The following PRSS16 variants were observed in gnomAD, a reference collection of about 807,000 sequenced individuals.
The protein encoded by PRSS16 is thymus-specific serine protease.
PRSS16 carries 43 observed loss-of-function variants against 61.7 expected under a neutral mutation model. That is an observed-to-expected ratio of 0.70 (90% confidence interval 0.55 to 0.90). The LOEUF (loss-of-function observed/expected upper bound fraction) is 0.90, where lower values mean the gene tolerates loss of function less well. Among genes scored for constraint, PRSS16 ranks in the 40% least tolerant of loss-of-function variants. The pLI, the probability that PRSS16 is intolerant of heterozygous loss-of-function variation, is 0.00. For synonymous variants in PRSS16, 273 were observed against 285.2 expected (o/e 0.96, Z 0.43); for missense variants, 591 against 659.1 (o/e 0.90, Z 1.13).
intron 4 of PRSS16, 94 bp downstream of exon 4, chr6:27,249,323 A>G: frequency 1.4e-6 from 2 of 1,444,470 alleles, no homozygotes; most frequent in Non-Finnish European, 1.9e-6. Context: ...CCACTGTCTG[A>G]AGTCAACCTC....
At position 27,255,081 on chromosome 6, in the gene PRSS16, A is replaced by G; in HGVS notation, c.1426A>G (p.Met476Val). ...CCGCACTGGCTCCCACTGCTTGGACATGGCACCTGAGAGGCCCTCAGACTC... is the reference window on the plus strand; with the variant it reads ...CCGCACTGGCTCCCACTGCTTGGACGTGGCACCTGAGAGGCCCTCAGACTC... Reference protein sequence around the residue: ...LIRTGSHCLDMAPERPSDSPS... With the variant: ...LIRTGSHCLDVAPERPSDSPS... The change falls in exon 11 of 12, where the codon ATG becomes GTG. Residue 476 changes from methionine to valine, a missense_variant. Physicochemically the swap from Met to Val is conservative, Grantham distance 21 (BLOSUM62 1). Transcript: ENST00000230582. The surrounding 1 kb of genome is among the most constrained non-coding windows in gnomAD (Gnocchi z 4.4). 6.2e-7 allele frequency: 1 copy of G among 1,614,188 alleles called. No homozygotes were observed. The highest frequency in any genetic ancestry group is 8.5e-7 in the Non-Finnish European group (1 of 1,180,040).
rs1236593003 is a variant in PRSS16 at position 27,256,146 on chromosome 6, CTGTG to C, written c.*833_*836del. On this transcript the variant is annotated 3_prime_UTR_variant, in exon 12 of 12. Coordinates refer to ENST00000230582, the MANE Select transcript of PRSS16 (RefSeq NM_005865.4). The stretch of plus-strand genomic sequence containing the variant: ...TATTTCTGTCTCTGATGCTCTTCTT[CTGTG>C]TCTCTATTTCTCTTCCTGTCACTTA... 6.5e-6 allele frequency: 1 copy of C among 152,716 alleles called. No individual in the cohort carries two copies. Among genetic ancestry groups the C allele is most frequent in the African/African-American group, 2.4e-5 (1 of 41,444 alleles). The allele number at this position is 152,716 out of a possible 1,614,324, so 9.5% of individuals were successfully genotyped here. A position where few individuals can be genotyped will look rare whatever the true frequency, so the allele number is the denominator to read the frequency against.
Position 27,253,154 on chromosome 6 carries a change from AG to A in PRSS16, c.1150+207del, listed in dbSNP as rs570916951. The A allele has an allele frequency of 8.5e-5, 52 of 610,082 alleles. No homozygotes were observed. The South Asian group carries it at 9.5e-4, about 11-fold the overall frequency. The allele number at this position is 610,082 out of a possible 1,614,324, so 37.8% of individuals were successfully genotyped here. On this transcript the variant is annotated intron_variant, in intron 9 of 11. Coordinates refer to ENST00000230582, the MANE Select transcript of PRSS16 (RefSeq NM_005865.4). ...CACATGCCTCCTCACGCACACACTGAGGTCTCCACTTGAGTGATCTTCCCTT... is the reference window on the plus strand; with the variant it reads ...CACATGCCTCCTCACGCACACACTGAGTCTCCACTTGAGTGATCTTCCCTT...
Sources: allele counts gnomAD v4.1 joint callset, GRCh38; gene constraint gnomAD v4.1.1; non-coding constraint Gnocchi (gnomAD v3.1); transcripts MANE v1.5; gene names NCBI Gene and HGNC (gene_info 2026-07-23, HGNC 2026-07-21).